Variants in ZNF341 observed in about 807,000 individuals in gnomAD.
ZNF341 encodes the protein zinc finger protein 341.
A neutral mutation model predicts 87.7 loss-of-function variants in ZNF341; 52 were observed. The observed-to-expected ratio is 0.59, with a 90% CI of 0.47 to 0.75. The LOEUF is 0.75. ZNF341 is among the 30% of genes least tolerant of loss of function. The pLI, the probability that ZNF341 is intolerant of heterozygous loss-of-function variation, is 0.00. For missense variants in ZNF341, 977 were observed against 1,145.9 expected (o/e 0.85, Z 2.13); for synonymous variants, 459 against 472.7 (o/e 0.97, Z 0.38).
At chr20:33,773,921 A>G (rs1026248931) in intron 10 of ZNF341, among the ~76,000 whole-genome samples, 60 of 152,068 alleles carry the variant, frequency 3.9e-4, no homozygotes, top group African/African-American at 1.3e-3. Flanking sequence ...ACTTTCCCCA[A>G]ACCTCTCAAA....
At chr20:33,743,355 T>G (rs1455557770) in intron 2 of ZNF341, among the ~76,000 whole-genome samples, 11 of 149,484 alleles carry the variant, frequency 7.4e-5, no homozygotes, top group Non-Finnish European at 7.4e-5. Flanking sequence ...TTTTTTTTTT[T>G]TTTGAGACAG....
chr20:33,757,049 G>T, intron 5 of ZNF341, 99 bp from the exon 6 acceptor site: 2 of 1,004,586 alleles, frequency 2.0e-6, no homozygotes, highest in South Asian at 5.0e-5. Flanking sequence ...GTAGGGGAGA[G>T]CGGCTGAGGT....
In ZNF341 at chr20:33,791,824, T is replaced by C. The variant is rs1601301349; in HGVS notation, c.*307T>C. 3 of 340,242 alleles carry C rather than the reference T, an allele frequency of 8.8e-6. No individual in the cohort carries two copies. Among genetic ancestry groups the C allele is most frequent in the Non-Finnish European group, 1.6e-5 (3 of 186,798 alleles). 21.1% of individuals were successfully genotyped at this position (340,242 alleles called of 1,614,324 possible). ...GAGTCCCGCTGGTCTAGGCTGGTGG[T>C]CGGGGCCCCTGGGAGAGGAGACAGG... On this transcript the variant is annotated 3_prime_UTR_variant, in exon 15 of 15. Coordinates refer to ENST00000375200, the MANE Select transcript of ZNF341 (RefSeq NM_001282933.2).
intron 5 of ZNF341, among the ~76,000 whole-genome samples, chr20:33,755,689 C>T (rs149640180): frequency 6.6e-6 from 1 of 150,794 alleles, no homozygotes; most frequent in African/African-American, 2.4e-5. Context: ...ATCTCCCAGG[C>T]TCAGATGATT....
intron 10 of ZNF341, among the ~76,000 whole-genome samples, chr20:33,775,504 C>T (rs1423145094): frequency 2.0e-5 from 3 of 149,832 alleles, no homozygotes; most frequent in East Asian, 2.0e-4. Context: ...CCACCGTGCC[C>T]GGCCTTTTTT....
chr20:33,756,516 A>C (rs1209938314), intron 5 of ZNF341, among the ~76,000 whole-genome samples: 1 of 151,862 alleles, frequency 6.6e-6, no homozygotes, highest in Non-Finnish European at 1.5e-5. Flanking sequence ...ACAGGCACAC[A>C]CCACCATGCC....
rs2020019099 is a variant in ZNF341 at position 33,791,226 on chromosome 20, T to C, written c.2274T>C (p.Ser758=). 5 of 1,611,954 alleles carry C rather than the reference T, an allele frequency of 3.1e-6. No homozygotes were observed. In the African/African-American group the frequency reaches 6.7e-5, roughly 21 times the overall value. The change falls in exon 15 of 15, where the codon AGT becomes AGC. Residue 758 remains serine, a synonymous_variant. Coordinates refer to ENST00000375200, the MANE Select transcript of ZNF341 (RefSeq NM_001282933.2). ...QRRAAPRSCG[S]GGRKVLTPLP... ...GGGCAGCCCCCCGCAGTTGCGGCAG[T>C]GGTGGGCGCAAGGTGCTGACCCCCT...
intron 10 of ZNF341, 31 bp from the exon 11 acceptor site, chr20:33,781,260 C>T: frequency 6.3e-7 from 1 of 1,577,048 alleles, no homozygotes; most frequent in Non-Finnish European, 8.7e-7. Flanking sequence ...GCTGTGTTTC[C>T]TCCCTCATCT....
At chr20:33,770,424 T>C in intron 10 of ZNF341, 132 bp downstream of exon 10, 1 of 907,814 alleles carries the variant, frequency 1.1e-6, no homozygotes. Context: ...GGCTCCTGGC[T>C]GGGGTCCAGC....
chr20:33,752,136 A>C, intron 4 of ZNF341: 1 of 364,098 alleles, frequency 2.7e-6, no homozygotes, highest in Non-Finnish European at 5.3e-6. Flanking sequence ...TTAATTTTAT[A>C]ACTTTATTTG....
intron 14 of ZNF341, among the ~76,000 whole-genome samples, 165 bp from the exon 15 acceptor site, chr20:33,790,823 G>A (rs771603421): frequency 6.6e-6 from 1 of 152,220 alleles, no homozygotes; most frequent in Middle Eastern, 3.2e-3. Flanking sequence ...GAGTGTGGCT[G>A]GCGCAGAGAG....
intron 1 of ZNF341, among the ~76,000 whole-genome samples, chr20:33,735,782 G>A (rs2018669715): frequency 6.6e-6 from 1 of 151,944 alleles, no homozygotes; most frequent in East Asian, 1.9e-4. Context: ...TACAGAACAG[G>A]GGCATCACTC....
intron 10 of ZNF341, among the ~76,000 whole-genome samples, chr20:33,775,590 C>T (rs1432376345): frequency 1.3e-5 from 2 of 150,962 alleles, no homozygotes. Context: ...TATCACAGGA[C>T]ATAGAGTGAA....
chr20:33,746,408 AT>A (rs1488210998), intron 3 of ZNF341, among the ~76,000 whole-genome samples: 1 of 150,182 alleles, frequency 6.7e-6, no homozygotes, highest in Non-Finnish European at 1.5e-5. Flanking sequence ...TGATTTTTGT[AT>A]TTTTAGTAGA....
At chr20:33,776,853 T>G (rs921511315) in intron 10 of ZNF341, among the ~76,000 whole-genome samples, 2 of 151,874 alleles carry the variant, frequency 1.3e-5, no homozygotes, top group Non-Finnish European at 2.9e-5. Flanking sequence ...AGAGACAGGG[T>G]CTTACTGTGT....
intron 10 of ZNF341, among the ~76,000 whole-genome samples, chr20:33,781,030 G>T (rs1450672782): frequency 6.6e-6 from 1 of 152,070 alleles, no homozygotes; most frequent in Non-Finnish European, 1.5e-5. Context: ...TTTTAAAGGT[G>T]CCCCTGGCCA....
intron 10 of ZNF341, among the ~76,000 whole-genome samples, chr20:33,780,461 G>A (rs1184810929): frequency 6.6e-6 from 1 of 152,042 alleles, no homozygotes; most frequent in African/African-American, 2.4e-5. Flanking sequence ...AGGCTGGAGT[G>A]CAGTGGTGCG....
At position 33,791,588 on chromosome 20, in the gene ZNF341, C is replaced by T; in HGVS notation, c.*71C>T. The T allele has an allele frequency of 7.0e-7, 1 of 1,433,018 alleles. No individual in the cohort carries two copies. The highest frequency in any genetic ancestry group is 9.2e-7 in the Non-Finnish European group (1 of 1,088,854). 88.8% of individuals were successfully genotyped at this position (1,433,018 alleles called of 1,614,324 possible). On this transcript the variant is annotated 3_prime_UTR_variant, in exon 15 of 15. Coordinates refer to ENST00000375200, the MANE Select transcript of ZNF341 (RefSeq NM_001282933.2). ...TGGGTCCAGGGCCCCTGGGGGCAGA[C>T]CGGTGATCCTTACCAGTGGAAGCGA...
chr20:33,760,272 G>A (rs923439937), intron 7 of ZNF341, among the ~76,000 whole-genome samples: 2 of 152,176 alleles, frequency 1.3e-5, no homozygotes, highest in South Asian at 2.1e-4. Context: ...GCATGGTGGC[G>A]GGTGCTTGTA....
Sources: allele counts gnomAD v4.1 joint callset (sites outside exome capture counted in the v4.1 genomes callset), GRCh38; gene constraint gnomAD v4.1.1; transcripts MANE v1.5; gene names NCBI Gene and HGNC (gene_info 2026-07-23, HGNC 2026-07-21).